LAMA2: variants seen among roughly 807,000 people sequenced by gnomAD.
The protein encoded by LAMA2 is laminin subunit alpha-2.
A neutral mutation model predicts 364.8 loss-of-function variants in LAMA2; 269 were observed. The ratio of observed to expected loss-of-function variants is 0.74; its 90% confidence interval spans 0.67 to 0.82. LAMA2 has a LOEUF of 0.82. LAMA2 is among the 40% of genes least tolerant of loss of function. The probability of loss-of-function intolerance (pLI) is 0.00; values close to 1 mark genes in which losing one functional copy is unlikely to be tolerated. For synonymous variants in LAMA2, 1,379 were observed against 1,370.6 expected (o/e 1.01, Z -0.14); for missense variants, 3,807 against 3,873.2 (o/e 0.98, Z 0.45).
chr6:129,332,018 C>G (rs1489700970), intron 29 of LAMA2, among the ~76,000 whole-genome samples: 1 of 152,214 alleles, frequency 6.6e-6, no homozygotes, highest in African/African-American at 2.4e-5. Context: ...CTGAAATCTA[C>G]ATAGTGGTAT....
rs534602273 is a variant in LAMA2 at position 128,923,707 on chromosome 6, A to G, written c.112+40350A>G. On this transcript the variant is annotated intron_variant, in intron 1 of 64. Coordinates refer to ENST00000421865, the MANE Select transcript of LAMA2 (RefSeq NM_000426.4). Reference sequence around the variant, plus strand: ...AATTACTCAATCACTAATCTGCTGTAGTAGTCTGATTGATGCTAAGCCATG... The same window carrying G: ...AATTACTCAATCACTAATCTGCTGTGGTAGTCTGATTGATGCTAAGCCATG... 9.2e-5 allele frequency among the ~76,000 whole-genome samples: 14 copies of G among 152,312 alleles called. No individual in the cohort carries two copies. In the South Asian group the frequency reaches 1.7e-3, roughly 18 times the overall value.
intron 1 of LAMA2, among the ~76,000 whole-genome samples, chr6:128,953,442 C>T (rs1780958073): frequency 6.6e-6 from 1 of 152,028 alleles, no homozygotes; most frequent in Non-Finnish European, 1.5e-5. Flanking sequence ...TTACTATACC[C>T]TTTACTATGT....
chr6:129,488,365 C>T (rs1370980419), intron 56 of LAMA2, among the ~76,000 whole-genome samples: 1 of 152,146 alleles, frequency 6.6e-6, no homozygotes, highest in Admixed American at 6.6e-5. Flanking sequence ...CAATAAGTAA[C>T]TGCAGATTTG....
intron 42 of LAMA2, 35 bp downstream of exon 42, chr6:129,438,797 G>C (rs1226710617): frequency 9.3e-7 from 1 of 1,071,674 alleles, no homozygotes; most frequent in Admixed American, 1.7e-5. Context: ...TGTGTCAGTT[G>C]ACCTGAAGTT....
chr6:129,084,242 T>A (rs183259003), intron 3 of LAMA2, among the ~76,000 whole-genome samples: 2 of 152,194 alleles, frequency 1.3e-5, no homozygotes, highest in Non-Finnish European at 2.9e-5. Flanking sequence ...CTCTTCTTAA[T>A]TGAAGAGTCA....
At chr6:129,362,325 T>C (rs1162579516) in intron 32 of LAMA2, among the ~76,000 whole-genome samples, 1 of 152,174 alleles carries the variant, frequency 6.6e-6, no homozygotes, top group Non-Finnish European at 1.5e-5. Context: ...TTTTAATGTA[T>C]TCTCCTGTTC....
rs1244426081 is a variant in LAMA2 at position 129,442,136 on chromosome 6, A to T, written c.6269-927A>T. The T allele has an allele frequency of 1.5e-5, 16 of 1,091,480 alleles. No individual in the cohort carries two copies. In the East Asian group the frequency reaches 8.8e-4, roughly 60 times the overall value. 67.6% of individuals were successfully genotyped at this position (1,091,480 alleles called of 1,614,324 possible). ...ATCAAAATATTTGGAGTATAAAAAC[A>T]AAAGCACTGTAATTGGTATTATATG... On this transcript the variant is annotated intron_variant, in intron 43 of 64. Transcript: ENST00000421865.
At chr6:129,047,206 TA>T in intron 1 of LAMA2, among the ~76,000 whole-genome samples, 1 of 152,202 alleles carries the variant, frequency 6.6e-6, no homozygotes, top group South Asian at 2.1e-4. Flanking sequence ...AAAAATAAGG[TA>T]AAAACTTTTA....
At chr6:129,364,290 A>G (rs1023754520) in intron 32 of LAMA2, among the ~76,000 whole-genome samples, 8 of 152,198 alleles carry the variant, frequency 5.3e-5, no homozygotes, top group African/African-American at 1.9e-4. Flanking sequence ...TCCATTAAGC[A>G]GCTCAGGGGA....
intron 12 of LAMA2, among the ~76,000 whole-genome samples, chr6:129,240,361 A>G (rs1785316514): frequency 6.6e-6 from 1 of 152,328 alleles, no homozygotes; most frequent in South Asian, 2.1e-4. Flanking sequence ...TAGACAGTCA[A>G]TATTAATCAC....
At chr6:129,350,021 T>TA (rs1328978706) in intron 31 of LAMA2, among the ~76,000 whole-genome samples, 19 of 152,168 alleles carry the variant, frequency 1.2e-4, no homozygotes, top group Admixed American at 9.8e-4. Context: ...ATCCAAATGG[T>TA]AAATTAAGGA....
In LAMA2 at chr6:129,300,172, A is replaced by G. The variant is rs55893989; in HGVS notation, c.3038-564A>G. On this transcript the variant is annotated intron_variant, in intron 21 of 64. Transcript: ENST00000421865. ...AAAGTCAGGTGGTAAATAAAAATCG[A>G]AAGTATCTTTATATATAAACAGTGT... Among the ~76,000 whole-genome samples the G allele has an allele frequency of 7.4e-3, 1,120 of 152,312 alleles. 6 individuals carry two copies. Among genetic ancestry groups the G allele is most frequent in the African/African-American group, 0.026 (1,069 of 41,578 alleles).
At chr6:129,314,884 A>G in intron 24 of LAMA2, 86 bp downstream of exon 24, 1 of 1,410,646 alleles carries the variant, frequency 7.1e-7, no homozygotes, top group Non-Finnish European at 1.0e-6. Context: ...GGTAGTAGAA[A>G]ATGGCAAAAC....
chr6:129,028,888 C>A (rs1056285825), intron 1 of LAMA2, among the ~76,000 whole-genome samples: 4 of 151,666 alleles, frequency 2.6e-5, no homozygotes, highest in African/African-American at 9.7e-5. Context: ...TAGTCATAAG[C>A]CGTTCTGGTA....
chr6:129,242,709 A>G (rs1033780014), intron 12 of LAMA2, among the ~76,000 whole-genome samples: 3 of 152,136 alleles, frequency 2.0e-5, no homozygotes, highest in Admixed American at 6.5e-5. Flanking sequence ...TAAATGGAAA[A>G]CAAACAGCTG....
intron 12 of LAMA2, among the ~76,000 whole-genome samples, chr6:129,230,712 G>A (rs1468802197): frequency 6.6e-6 from 1 of 152,096 alleles, no homozygotes; most frequent in Non-Finnish European, 1.5e-5. Flanking sequence ...CAGGTACTAT[G>A]AGTTTCTTCA....
chr6:129,498,975 A>ACTAT (rs761972826), intron 58 of LAMA2, among the ~76,000 whole-genome samples: 10 of 152,296 alleles, frequency 6.6e-5, no homozygotes, highest in Non-Finnish European at 8.8e-5. Flanking sequence ...AATTTGGTGC[A>ACTAT]CTATCTACTT....
intron 1 of LAMA2, among the ~76,000 whole-genome samples, chr6:128,925,918 G>A (rs1043888267): frequency 6.6e-6 from 1 of 151,938 alleles, no homozygotes; most frequent in Non-Finnish European, 1.5e-5. Context: ...AACTTCCTGG[G>A]CCTAAACTGA....
At position 129,516,170 on chromosome 6, in the gene LAMA2, T is replaced by A. The variant is rs1374161141; in HGVS notation, c.9212-20T>A. On this transcript the variant is annotated intron_variant, in intron 64 of 64. Coordinates refer to ENST00000421865, the MANE Select transcript of LAMA2 (RefSeq NM_000426.4). ...TGCAGGACATTTCAAAGCTGAGCCC[T>A]CTTGCATTGCCTTTTTCAGATGACC... is the stretch of plus-strand genomic sequence containing the variant. 6.2e-7 allele frequency: 1 copy of A among 1,613,888 alleles called. No homozygotes were observed. Among genetic ancestry groups the A allele is most frequent in the Admixed American group, 1.7e-5 (1 of 60,000 alleles).
Sources: gnomAD v4.1 joint callset for allele counts (sites outside exome capture counted in the v4.1 genomes callset) on GRCh38, gnomAD v4.1.1 for gene constraint, MANE v1.5 for transcripts, NCBI Gene and HGNC (gene_info 2026-07-23, HGNC 2026-07-21) for gene names.